C22orf42: variants seen among roughly 807,000 people sequenced by gnomAD.
C22orf42 encodes the protein chromosome 22 open reading frame 42.
C22orf42 carries 24 observed loss-of-function variants against 31.4 expected under a neutral mutation model. The ratio of observed to expected loss-of-function variants is 0.77; its 90% confidence interval spans 0.55 to 1.08. The LOEUF (loss-of-function observed/expected upper bound fraction) is 1.08. Ranked by LOEUF, C22orf42 falls within the 50% of genes least tolerant of loss-of-function variation. C22orf42 has a pLI of 0.00. For missense variants in C22orf42, 276 were observed against 327.3 expected, an observed-to-expected ratio of 0.84 and a Z score of 1.21; for synonymous variants, 96 against 112.7, an observed-to-expected ratio of 0.85 and a Z score of 0.94.
chr22:32,158,956 G>T, intron 1 of C22orf42, 28 bp downstream of exon 1: 1 of 1,613,590 alleles, frequency 6.2e-7, no homozygotes, highest in South Asian at 1.1e-5. Context: ...AGATGCCAGA[G>T]AGCAAATGGC....
At chr22:32,158,144 C>A (rs976460105) in intron 1 of C22orf42, among the ~76,000 whole-genome samples, 2 of 152,150 alleles carry the variant, frequency 1.3e-5, no homozygotes, top group African/African-American at 4.8e-5. Flanking sequence ...TCCTGTCTTA[C>A]AAGTGTTAGT....
At chr22:32,150,956 A>T (rs1476091383) in intron 6 of C22orf42, 36 bp downstream of exon 6, 3 of 1,589,006 alleles carry the variant, frequency 1.9e-6, no homozygotes, top group East Asian at 4.5e-5. Flanking sequence ...CATGTCAACT[A>T]CACGTAAATA....
At position 32,156,308 on chromosome 22, in the gene C22orf42, A is replaced by G. The variant is rs567846610; in HGVS notation, c.233-1990T>C. ...CTTAGAACCAGCCTTCTCATATGTG[A>G]CACAAGGAAAATTCCCATATTACAC... On this transcript the variant is annotated intron_variant, in intron 1 of 8. Transcript: ENST00000382097. Among the ~76,000 whole-genome samples, 20 of 152,248 alleles carry G rather than the reference A, an allele frequency of 1.3e-4. 1 individual carries two copies. Among genetic ancestry groups the G allele is most frequent in the African/African-American group, 4.1e-4 (17 of 41,536 alleles).
chr22:32,160,103 C>G (rs1470531971), upstream of C22orf42: 1 of 152,118 alleles, frequency 6.6e-6, no homozygotes, highest in African/African-American at 2.4e-5. Context: ...TAATTTAACC[C>G]CCAGAAACCA....
At chr22:32,152,236 A>T (rs1603178871) in intron 3 of C22orf42, 142 bp from the exon 4 acceptor site, 1 of 973,158 alleles carries the variant, frequency 1.0e-6, no homozygotes, top group East Asian at 2.4e-5. Context: ...AATAAAGCAT[A>T]GAGGATGCTT....
chr22:32,152,816 A>C (rs1460237787), intron 2 of C22orf42, among the ~76,000 whole-genome samples, 190 bp from the exon 3 acceptor site: 1 of 152,178 alleles, frequency 6.6e-6, no homozygotes, highest in Admixed American at 6.5e-5. Context: ...GAAATGAAAG[A>C]GCCTTGGCTT....
At chr22:32,150,959 C>A (rs2019949) in intron 6 of C22orf42, 33 bp downstream of exon 6, 1 of 1,592,666 alleles carries the variant, frequency 6.3e-7, no homozygotes, top group South Asian at 1.1e-5. Flanking sequence ...GTCAACTACA[C>A]GTAAATAAAG....
upstream of C22orf42, chr22:32,159,469 C>T: frequency 2.2e-6 from 3 of 1,364,858 alleles, no homozygotes; most frequent in Non-Finnish European, 2.8e-6. Context: ...TGTGGCCACC[C>T]TGTCCCTCTG....
intron 6 of C22orf42, 194 bp from the exon 7 acceptor site, chr22:32,150,673 G>A: frequency 1.6e-6 from 1 of 642,520 alleles, no homozygotes; most frequent in South Asian, 2.0e-5. Flanking sequence ...AAAGAGCCTT[G>A]GCTTTCTAGC....
At position 32,151,520 on chromosome 22, in the gene C22orf42, G is replaced by A. The variant is rs772350873; in HGVS notation, c.432C>T (p.His144=). Reference sequence around the variant, plus strand: ...ACGTTATATTCTCCTCCACACCGCCGTGTGCAGACACCTGCACATCTTCAG... The same window carrying A: ...ACGTTATATTCTCCTCCACACCGCCATGTGCAGACACCTGCACATCTTCAG... The part of the protein sequence containing the change: ...RPTEDVQVSA[H]GGVEENITSD... Residue 144 remains histidine (H), a synonymous_variant, in exon 5 of 9, where the codon CAC becomes CAT. Transcript: ENST00000382097. 51 of 1,613,630 alleles carry A rather than the reference G, an allele frequency of 3.2e-5. No homozygotes were observed. Among genetic ancestry groups the A allele is most frequent in the African/African-American group, 2.1e-4 (16 of 74,916 alleles).
intron 1 of C22orf42, among the ~76,000 whole-genome samples, chr22:32,155,592 C>A (rs1336119034): frequency 6.6e-6 from 1 of 151,628 alleles, no homozygotes; most frequent in Non-Finnish European, 1.5e-5. Context: ...CTGTACTTCC[C>A]TCTCAGTTCT....
chr22:32,157,032 AC>A (rs1921297787), intron 1 of C22orf42, among the ~76,000 whole-genome samples: 1 of 152,230 alleles, frequency 6.6e-6, no homozygotes, highest in Non-Finnish European at 1.5e-5. Context: ...TAGGAGAGAC[AC>A]TGCAGTATAG....
At chr22:32,158,893 G>T in intron 1 of C22orf42, 91 bp downstream of exon 1, 1 of 1,399,320 alleles carries the variant, frequency 7.1e-7, no homozygotes, top group Non-Finnish European at 1.0e-6. Context: ...GGAAGCTGAG[G>T]ATGTCTCTGA....
At chr22:32,155,462 C>T (rs549142849) in intron 1 of C22orf42, among the ~76,000 whole-genome samples, 20 of 151,244 alleles carry the variant, frequency 1.3e-4, no homozygotes, top group African/African-American at 4.4e-4. Context: ...AGGTGGCCTG[C>T]CATGTAAGAG....
At chr22:32,160,285 G>A (rs1433280081), upstream of C22orf42, 1 of 152,198 alleles carries the variant, frequency 6.6e-6, no homozygotes, top group Admixed American at 6.5e-5. Flanking sequence ...TGGAGGGGAA[G>A]TGACCTTGTA....
intron 2 of C22orf42, 29 bp downstream of exon 2, chr22:32,154,215 T>C: frequency 6.2e-7 from 1 of 1,607,988 alleles, no homozygotes; most frequent in Non-Finnish European, 8.5e-7. Context: ...TTTGCTTAAA[T>C]GAACTTAATG....
rs2094110828 is a variant in C22orf42, at chr22:32,150,438, C to T, written c.535G>A (p.Glu179Lys). The T allele has an allele frequency of 1.9e-6, 3 of 1,613,938 alleles. No homozygotes were observed. The highest frequency in any genetic ancestry group is 2.7e-5 in the African/African-American group (2 of 74,896). ...DLSESLSVCL[E>K]DFMTSDLSES... ...CTGAGATCCGATGTCATGAAGTCTT[C>T]AAGACAGACAGATAGGCTTTCACTG... Residue 179 changes from glutamate (E) to lysine (K), a missense_variant, in exon 7 of 9, where the codon GAA becomes AAA. Transcript: ENST00000382097.
At chr22:32,152,270 G>T (rs1241646955) in intron 3 of C22orf42, among the ~76,000 whole-genome samples, 176 bp from the exon 4 acceptor site, 1 of 152,056 alleles carries the variant, frequency 6.6e-6, no homozygotes, top group Non-Finnish European at 1.5e-5. Flanking sequence ...TGGGTTTTTT[G>T]GAATATTTAG....
intron 5 of C22orf42, 132 bp from the exon 6 acceptor site, chr22:32,151,151 A>T (rs1391171116): frequency 1.1e-6 from 1 of 944,772 alleles, no homozygotes; most frequent in African/African-American, 1.7e-5. Context: ...CTGGCCCCCA[A>T]ATAAAGCATA....
Sources: gnomAD v4.1 joint callset for allele counts (sites outside exome capture counted in the v4.1 genomes callset) on GRCh38, gnomAD v4.1.1 for gene constraint, MANE v1.5 for transcripts, NCBI Gene and HGNC (gene_info 2026-07-23, HGNC 2026-07-21) for gene names.